The following CADPS variants were observed in gnomAD, a reference collection of about 807,000 sequenced individuals.
The protein encoded by CADPS is calcium dependent secretion activator.
Under a neutral mutation model 167.3 loss-of-function variants are expected in CADPS, and 57 were observed. That is an observed-to-expected ratio of 0.34 (90% CI 0.28 to 0.42). CADPS has a LOEUF of 0.42. CADPS is among the 20% of genes least tolerant of loss of function. The pLI is 1.00. For synonymous variants in CADPS, 676 were observed against 635.3 expected (o/e 1.06, Z -0.96); for missense variants, 1,414 against 1,738.1 (o/e 0.81, Z 3.32).
chr3:62,453,388 G>A (rs2058311932), intron 26 of CADPS, among the ~76,000 whole-genome samples: 1 of 152,130 alleles, frequency 6.6e-6, no homozygotes. Context: ...CAATTCTAGT[G>A]GAGAAAGGGA....
intron 3 of CADPS, among the ~76,000 whole-genome samples, chr3:62,743,165 G>A (rs756963535): frequency 1.3e-5 from 2 of 152,026 alleles, no homozygotes; most frequent in African/African-American, 2.4e-5. Context: ...ATGCTTTTGG[G>A]TGGAAAAGGT....
At chr3:62,417,273 ACTCTTTTTTTTT>A (rs1371697818) in intron 28 of CADPS, among the ~76,000 whole-genome samples, 4 of 51,534 alleles carry the variant, frequency 7.8e-5, no homozygotes, top group Admixed American at 4.4e-4. Flanking sequence ...TTTTTCTTTT[ACTCTTTTTTTTT>A]TTTTTTTTTT....
At chr3:62,469,532 A>C (rs1315030559) in intron 24 of CADPS, 1 of 150,724 alleles carries the variant, frequency 6.6e-6, no homozygotes, top group Non-Finnish European at 1.5e-5. Flanking sequence ...TTTTTTTTTG[A>C]GATGGAGTCT....
chr3:62,609,231 T>TTC (rs1553987694), intron 6 of CADPS, among the ~76,000 whole-genome samples: 16 of 151,300 alleles, frequency 1.1e-4, no homozygotes, highest in African/African-American at 2.4e-4. Flanking sequence ...TTTTTTTTTT[T>TTC]CTTTTTTGTG....
rs1230961503 is a variant in CADPS at position 62,602,009 on chromosome 3, C to G, written c.1326-9261G>C. Among the ~76,000 whole-genome samples the G allele has an allele frequency of 6.6e-6, 1 of 152,132 alleles. No individual in the cohort carries two copies. The highest frequency in any genetic ancestry group is 2.4e-5 in the African/African-American group (1 of 41,408). ...AAAGCCTCTTATTTGCGGAAGCCTC[C>G]TCAGACCATATGTTATCAACAAATG... On this transcript the variant is annotated intron_variant, in intron 6 of 29. Coordinates refer to ENST00000383710, the MANE Select transcript of CADPS (RefSeq NM_003716.4). This position sits in a 1 kb window ranked among gnomAD's most constrained non-coding sequence, Gnocchi z 4.4.
At chr3:62,731,772 G>A (rs1465431863) in intron 3 of CADPS, among the ~76,000 whole-genome samples, 1 of 122,488 alleles carries the variant, frequency 8.2e-6, no homozygotes, top group African/African-American at 3.3e-5. Flanking sequence ...CCCTCATGGA[G>A]CTGACTTCCT....
At chr3:62,863,031 T>A (rs1160319848) in intron 1 of CADPS, among the ~76,000 whole-genome samples, 1 of 152,242 alleles carries the variant, frequency 6.6e-6, no homozygotes, top group African/African-American at 2.4e-5. Flanking sequence ...TATATTACTA[T>A]TCTGAATAGT....
At chr3:62,839,011 A>G (rs1026780072) in intron 1 of CADPS, among the ~76,000 whole-genome samples, 3 of 152,240 alleles carry the variant, frequency 2.0e-5, no homozygotes, top group Admixed American at 6.5e-5. Context: ...GGTCAGGCAG[A>G]TAAGTGTAAA....
intron 6 of CADPS, among the ~76,000 whole-genome samples, chr3:62,599,574 TATAC>T (rs1200154857): frequency 3.1e-5 from 3 of 97,968 alleles, no homozygotes; most frequent in African/African-American, 1.2e-4. Context: ...TTATATAAAT[TATAC>T]AAATTATATA....
In CADPS at chr3:62,609,030, T is replaced by C. The variant is rs1253193897; in HGVS notation, c.1326-16282A>G. 3.9e-5 allele frequency among the ~76,000 whole-genome samples: 6 copies of C among 152,092 alleles called. No individual in the cohort carries two copies. In the East Asian group the frequency reaches 1.2e-3, roughly 29 times the overall value. On this transcript the variant is annotated intron_variant, in intron 6 of 29. Coordinates refer to ENST00000383710, the MANE Select transcript of CADPS (RefSeq NM_003716.4). ...AGACATAGACGTAAGCGAGGGTAGG[T>C]TCAACCAAGACTGTCTGAAATACCC...
At chr3:62,600,062 G>T (rs1186471263) in intron 6 of CADPS, among the ~76,000 whole-genome samples, 1 of 146,018 alleles carries the variant, frequency 6.8e-6, no homozygotes, top group African/African-American at 2.5e-5. Context: ...AAATTCAGGG[G>T]ATTGTAGAGA....
At chr3:62,699,917 GC>G (rs1242281249) in intron 3 of CADPS, among the ~76,000 whole-genome samples, 4 of 151,990 alleles carry the variant, frequency 2.6e-5, no homozygotes, top group Non-Finnish European at 5.9e-5. Flanking sequence ...ATTGTCTATG[GC>G]TGCTTTTGTG....
intron 13 of CADPS, chr3:62,530,802 G>T (rs1196133372): frequency 2.4e-6 from 3 of 1,273,452 alleles, no homozygotes; most frequent in East Asian, 1.1e-4. Flanking sequence ...AGGTACACAT[G>T]CATTTGTTGA....
intron 21 of CADPS, among the ~76,000 whole-genome samples, chr3:62,488,170 T>A (rs1023752005): frequency 6.6e-6 from 1 of 152,146 alleles, no homozygotes; most frequent in Non-Finnish European, 1.5e-5. Flanking sequence ...GTGAGCTTGA[T>A]GAGAAGTATG....
intron 26 of CADPS, among the ~76,000 whole-genome samples, chr3:62,451,607 C>CA (rs149815519): frequency 0.011 from 1,686 of 149,430 alleles, 26 homozygotes; most frequent in Middle Eastern, 0.045. Context: ...TGATCTCTCA[C>CA]AAAAAAAAAG....
At chr3:62,403,458 A>T (rs990090003) in intron 28 of CADPS, 1 of 242,242 alleles carries the variant, frequency 4.1e-6, no homozygotes, top group East Asian at 8.2e-5. Flanking sequence ...CTATGTTTCA[A>T]TTCATACAGA....
chr3:62,493,355 A>G (rs750185922), intron 19 of CADPS, among the ~76,000 whole-genome samples: 2 of 152,180 alleles, frequency 1.3e-5, no homozygotes, highest in Non-Finnish European at 2.9e-5. Context: ...GATTTCAAAG[A>G]GAGCAGAAAA....
At chr3:62,758,377 A>G (rs1244513288) in intron 2 of CADPS, among the ~76,000 whole-genome samples, 4 of 152,218 alleles carry the variant, frequency 2.6e-5, no homozygotes, top group African/African-American at 9.7e-5. Flanking sequence ...GGGAGACAGT[A>G]AAGATGAATT....
chr3:62,734,025 T>C (rs2078480093), intron 3 of CADPS, among the ~76,000 whole-genome samples: 1 of 152,224 alleles, frequency 6.6e-6, no homozygotes, highest in Non-Finnish European at 1.5e-5. Context: ...ATTTTCTTTA[T>C]CTACTTGTTG....
Sources: allele counts gnomAD v4.1 joint callset (sites outside exome capture counted in the v4.1 genomes callset), GRCh38; gene constraint gnomAD v4.1.1; non-coding constraint Gnocchi (gnomAD v3.1); transcripts MANE v1.5; gene names NCBI Gene and HGNC (gene_info 2026-07-23, HGNC 2026-07-21).